The following ZNF714 variants were observed in gnomAD, a reference collection of about 807,000 sequenced individuals.
The protein encoded by ZNF714 is zinc finger protein 714.
Under a neutral mutation model 46.2 loss-of-function variants are expected in ZNF714, and 32 were observed. The ratio of observed to expected loss-of-function variants is 0.69; its 90% CI spans 0.52 to 0.93. The LOEUF (loss-of-function observed/expected upper bound fraction) is 0.93, where lower values mean the gene tolerates loss of function less well. Ranked by LOEUF, ZNF714 falls within the 40% of genes least tolerant of loss-of-function variation. The pLI is 0.00. For missense variants in ZNF714, 635 were observed against 646.3 expected, an observed-to-expected ratio of 0.98 and a Z score of 0.19; for synonymous variants, 199 against 213.1, an observed-to-expected ratio of 0.93 and a Z score of 0.58.
intron 4 of ZNF714, among the ~76,000 whole-genome samples, chr19:21,111,274 GGTCTAT>G (rs1969444483): frequency 6.6e-6 from 1 of 152,040 alleles, no homozygotes; most frequent in African/African-American, 2.4e-5. Context: ...TCCTTGAAGA[GGTCTAT>G]CACTTCCCTT....
At chr19:21,091,146 T>A (rs1968900264) in intron 2 of ZNF714, 1 of 152,202 alleles carries the variant, frequency 6.6e-6, no homozygotes, top group Non-Finnish European at 1.5e-5. Context: ...CCTCCCGAAG[T>A]GCTGAGATTA....
intron 2 of ZNF714, among the ~76,000 whole-genome samples, chr19:21,097,283 G>A (rs1969064235): frequency 6.6e-6 from 1 of 152,120 alleles, no homozygotes; most frequent in Non-Finnish European, 1.5e-5. Flanking sequence ...TATAGAACAT[G>A]GGAGATATCT....
At chr19:21,115,441 T>G (rs1969571695) in intron 4 of ZNF714, among the ~76,000 whole-genome samples, 1 of 152,068 alleles carries the variant, frequency 6.6e-6, no homozygotes, top group African/African-American at 2.4e-5. Flanking sequence ...TTCAGCATCT[T>G]TTATGTTTAG....
chr19:21,119,033 T>G lies in ZNF714; in HGVS notation c.*701T>G. 2.5e-6 allele frequency: 1 copy of G among 398,936 alleles called. No homozygotes were observed. The highest frequency in any genetic ancestry group is 3.7e-4 in the Middle Eastern group (1 of 2,730). 24.7% of individuals were successfully genotyped at this position (398,936 alleles called of 1,614,324 possible). A position where few individuals can be genotyped will look rare whatever the true frequency, so the allele number is the denominator to read the frequency against. On this transcript the variant is annotated 3_prime_UTR_variant, in exon 5 of 5. Coordinates refer to ENST00000456283, the MANE Select transcript of ZNF714 (RefSeq NM_182515.4). Reference sequence around the variant, plus strand: ...AGACTGAAAAAGCCATTAATATATGTTCATATCTCAACACCAGATAGTTCA... The same window carrying G: ...AGACTGAAAAAGCCATTAATATATGGTCATATCTCAACACCAGATAGTTCA...
chr19:21,098,973 A>G, intron 4 of ZNF714, 63 bp downstream of exon 4: 1 of 1,083,486 alleles, frequency 9.2e-7, no homozygotes, highest in Non-Finnish European at 1.3e-6. Flanking sequence ...AAAAAAAAAA[A>G]AGCAAGCCGG....
intron 4 of ZNF714, among the ~76,000 whole-genome samples, chr19:21,112,182 T>C (rs1186896221): frequency 6.6e-6 from 1 of 152,194 alleles, no homozygotes; most frequent in Non-Finnish European, 1.5e-5. Flanking sequence ...TTTGTACCTC[T>C]GGTAGAATTT....
Position 21,122,490 on chromosome 19 carries a change from GC to G in ZNF714, c.*4161del, listed in dbSNP as rs1476075025. ...CTGATTGTGGTGGCATCCACCTGTA[GC>G]CCAGCTACTCAGGAGGCTGAGGCAG... On this transcript the variant is annotated 3_prime_UTR_variant, in exon 5 of 5. Transcript: ENST00000456283. 2.6e-5 allele frequency: 4 copies of G among 152,084 alleles called. No homozygotes were observed. Among genetic ancestry groups the G allele is most frequent in the African/African-American group, 9.7e-5 (4 of 41,392 alleles). 9.4% of individuals were successfully genotyped at this position (152,084 alleles called of 1,614,324 possible).
At chr19:21,092,551 A>T (rs139599326) in intron 2 of ZNF714, among the ~76,000 whole-genome samples, 1 of 152,000 alleles carries the variant, frequency 6.6e-6, no homozygotes, top group East Asian at 1.9e-4. Flanking sequence ...GTCCACTTAC[A>T]TTGCATTCTT....
chr19:21,123,978 CTAGTT>C lies in ZNF714; in HGVS notation c.*5649_*5653del, dbSNP rs1272702090. The C allele has an allele frequency of 6.6e-6, 1 of 152,154 alleles. No homozygotes were observed. Among genetic ancestry groups the C allele is most frequent in the African/African-American group, 2.4e-5 (1 of 41,438 alleles). 9.4% of individuals were successfully genotyped at this position (152,154 alleles called of 1,614,324 possible). ...AACATTCTGTTATTTTGCATGCAAA[CTAGTT>C]TACTGTGTTCACAGACTGGCCAGTC... On this transcript the variant is annotated 3_prime_UTR_variant, in exon 5 of 5. Coordinates refer to ENST00000456283, the MANE Select transcript of ZNF714 (RefSeq NM_182515.4).
chr19:21,115,556 T>G (rs533636413), intron 4 of ZNF714, among the ~76,000 whole-genome samples: 1 of 152,064 alleles, frequency 6.6e-6, no homozygotes, highest in South Asian at 2.1e-4. Flanking sequence ...TAGCTATTTT[T>G]TTTTAGGACT....
Position 21,097,949 on chromosome 19 carries a change from T to C in ZNF714, c.-84-236T>C, listed in dbSNP as rs554599345. On this transcript the variant is annotated intron_variant, in intron 2 of 4. Coordinates refer to ENST00000456283, the MANE Select transcript of ZNF714 (RefSeq NM_182515.4). ...TACGTTTGTGTCCTTAATTATATTC[T>C]TTATCATCCAGAAAAGTATTATATA... Among the ~76,000 whole-genome samples, 3 of 152,346 alleles carry C rather than the reference T, an allele frequency of 2.0e-5. No individual in the cohort carries two copies. The South Asian group carries it at 6.2e-4, about 32-fold the overall frequency.
chr19:21,109,006 T>C (rs1969386266), intron 4 of ZNF714, among the ~76,000 whole-genome samples: 1 of 152,198 alleles, frequency 6.6e-6, no homozygotes, highest in South Asian at 2.1e-4. Context: ...TATGTAATAC[T>C]GTGTTTGTCC....
chr19:21,099,473 C>A (rs890696804), intron 4 of ZNF714, among the ~76,000 whole-genome samples: 1 of 151,966 alleles, frequency 6.6e-6, no homozygotes, highest in African/African-American at 2.4e-5. Context: ...AGCCACCGTG[C>A]CCAGCTGGAA....
intron 2 of ZNF714, among the ~76,000 whole-genome samples, chr19:21,087,587 C>T (rs553190704): frequency 5.5e-4 from 83 of 152,202 alleles, no homozygotes; most frequent in African/African-American, 1.9e-3. Context: ...TTTTATAACT[C>T]TTTACAAAGT....
intron 4 of ZNF714, among the ~76,000 whole-genome samples, chr19:21,111,477 A>G (rs143663759): frequency 3.7e-3 from 568 of 152,214 alleles, no homozygotes; most frequent in African/African-American, 0.013. Context: ...GGCTGAGACA[A>G]TGGGGCTTTC....
At chr19:21,107,872 T>G (rs115314995) in intron 4 of ZNF714, among the ~76,000 whole-genome samples, 286 of 152,276 alleles carry the variant, frequency 1.9e-3, no homozygotes, top group African/African-American at 6.3e-3. Flanking sequence ...TACTTTTTAA[T>G]TTCTAGTTTT....
At chr19:21,097,882 T>C (rs1182611848) in intron 2 of ZNF714, among the ~76,000 whole-genome samples, 1 of 152,108 alleles carries the variant, frequency 6.6e-6, no homozygotes, top group Non-Finnish European at 1.5e-5. Flanking sequence ...CTGAAAAATA[T>C]ACACAACTCA....
At chr19:21,106,920 G>A (rs10411360) in intron 4 of ZNF714, among the ~76,000 whole-genome samples, 8,537 of 151,964 alleles carry the variant, frequency 0.056, 786 homozygotes, top group African/African-American at 0.19. Context: ...TCTGCCTCCC[G>A]GGTTCAAGCG....
In ZNF714 at chr19:21,113,781, G is replaced by T. The variant is rs184290057; in HGVS notation, c.143-3026G>T. 7.0e-4 allele frequency among the ~76,000 whole-genome samples: 106 copies of T among 151,838 alleles called. 3 individuals carry two copies. In the South Asian group the frequency reaches 8.8e-3, roughly 13 times the overall value. On this transcript the variant is annotated intron_variant, in intron 4 of 4. Transcript: ENST00000456283. The stretch of plus-strand genomic sequence containing the variant: ...CACCTTGGCCTCCCAAAGTGCTAGG[G>T]TTACAAGCGTGAGCCACCATGCCCA...
Sources: gnomAD v4.1 joint callset for allele counts (sites outside exome capture counted in the v4.1 genomes callset) on GRCh38, gnomAD v4.1.1 for gene constraint, MANE v1.5 for transcripts, NCBI Gene and HGNC (gene_info 2026-07-23, HGNC 2026-07-21) for gene names.